The following CD4 variants were observed in gnomAD, a reference collection of about 807,000 sequenced individuals.
CD4 encodes the protein CD4 molecule, also known as T-cell surface glycoprotein CD4.
In CD4, 25 loss-of-function variants were observed where a neutral mutation model predicts 50.5. The ratio of observed to expected loss-of-function variants is 0.49; its 90% CI spans 0.36 to 0.69. The LOEUF (loss-of-function observed/expected upper bound fraction) is 0.69. CD4 is among the 30% of genes least tolerant of loss of function. The pLI is 0.00. For synonymous variants in CD4, 207 were observed against 221.9 expected (o/e 0.93, Z 0.60); for missense variants, 456 against 548.5 (o/e 0.83, Z 1.68).
At position 6,816,905 on chromosome 12, in the gene CD4, A is replaced by G. The variant is rs894089200; in HGVS notation, c.956-225A>G. The stretch of plus-strand genomic sequence containing the variant: ...TACATGTATGCCTGCCTTTAGTACT[A>G]TCTGGGTGCAGGTTGTTAAGTCACT... On this transcript the variant is annotated intron_variant, in intron 6 of 9. Transcript: ENST00000011653. This position sits in a 1 kb window ranked among gnomAD's most constrained non-coding sequence, Gnocchi z 4.9. Among the ~76,000 whole-genome samples, 1 of 152,160 alleles carries G rather than the reference A, an allele frequency of 6.6e-6. No individual in the cohort carries two copies. The highest frequency in any genetic ancestry group is 1.5e-5 in the Non-Finnish European group (1 of 68,032).
chr12:6,800,490 C>T lies in CD4; in HGVS notation c.214+19C>T, dbSNP rs1555115094. ...ACTAAAGGTAGGGTTGCCTGGCTCCCCATCCAGGGAGGAAAACACACTATG... is the reference window on the plus strand; with the variant it reads ...ACTAAAGGTAGGGTTGCCTGGCTCCTCATCCAGGGAGGAAAACACACTATG... On this transcript the variant is annotated intron_variant, in intron 3 of 9. Coordinates refer to ENST00000011653, the MANE Select transcript of CD4 (RefSeq NM_000616.5). 6.2e-7 allele frequency: 1 copy of T among 1,604,164 alleles called. No individual in the cohort carries two copies. The highest frequency in any genetic ancestry group is 8.5e-7 in the Non-Finnish European group (1 of 1,175,026).
chr12:6,818,562 G>C lies in CD4; in HGVS notation c.1278+20G>C. 6.2e-7 allele frequency: 1 copy of C among 1,611,932 alleles called. No homozygotes were observed. Among genetic ancestry groups the C allele is most frequent in the Non-Finnish European group, 8.5e-7 (1 of 1,179,958 alleles). ...CGAAGGGTGAGTAACCCCACACCTGGTCCCCACAAGGCCCTCAAACCCCTG... is the reference window on the plus strand; with the variant it reads ...CGAAGGGTGAGTAACCCCACACCTGCTCCCCACAAGGCCCTCAAACCCCTG... On this transcript the variant is annotated intron_variant, in intron 8 of 9. Transcript: ENST00000011653. This position sits in a 1 kb window ranked among gnomAD's most constrained non-coding sequence, Gnocchi z 5.0.
chr12:6,818,709 G>C lies in CD4; in HGVS notation c.1279-138G>C. On this transcript the variant is annotated intron_variant, in intron 8 of 9. Coordinates refer to ENST00000011653, the MANE Select transcript of CD4 (RefSeq NM_000616.5). This position sits in a 1 kb window ranked among gnomAD's most constrained non-coding sequence, Gnocchi z 5.0. ...CTCAAGGGAGAGACAGGAAGGAGCAGAGAGTTAATTCCAGGATAGATGGCC... is the reference window on the plus strand; with the variant it reads ...CTCAAGGGAGAGACAGGAAGGAGCACAGAGTTAATTCCAGGATAGATGGCC... The C allele has an allele frequency of 8.4e-7, 1 of 1,187,894 alleles. No homozygotes were observed. The highest frequency in any genetic ancestry group is 1.5e-5 in the African/African-American group (1 of 66,464). The allele number at this position is 1,187,894 out of a possible 1,614,324, so 73.6% of individuals were successfully genotyped here.
chr12:6,797,916 C>A (rs1351206105), intron 1 of CD4, among the ~76,000 whole-genome samples: 1 of 152,142 alleles, frequency 6.6e-6, no homozygotes, highest in Admixed American at 6.5e-5. Context: ...CTTATCTCAA[C>A]CGAATAGAGG....
intron 1 of CD4, among the ~76,000 whole-genome samples, chr12:6,797,034 C>T (rs1488347256): frequency 6.6e-6 from 1 of 152,182 alleles, no homozygotes; most frequent in African/African-American, 2.4e-5. Flanking sequence ...TGAGCGTGAT[C>T]AGTTACCTGG....
Position 6,814,381 on chromosome 12 carries a change from C to T in CD4, c.373+81C>T, listed in dbSNP as rs1295626815. On this transcript the variant is annotated intron_variant, in intron 4 of 9. Coordinates refer to ENST00000011653, the MANE Select transcript of CD4 (RefSeq NM_000616.5). ...CTCCCACCCCTGCACCAAATCCAGC[C>T]TGAGCTGGTGATACCGCAGCAGCCC... 7.6e-6 allele frequency: 11 copies of T among 1,453,742 alleles called. No homozygotes were observed. In the Admixed American group the frequency reaches 2.3e-4, roughly 31 times the overall value. The allele number at this position is 1,453,742 out of a possible 1,614,324, so 90.1% of individuals were successfully genotyped here. A position where few individuals can be genotyped will look rare whatever the true frequency, so the allele number is the denominator to read the frequency against.
At position 6,800,319 on chromosome 12, in the gene CD4, C is replaced by A; in HGVS notation, c.62C>A (p.Ala21Glu). 1 of 1,613,918 alleles carries A rather than the reference C, an allele frequency of 6.2e-7. No individual in the cohort carries two copies. The highest frequency in any genetic ancestry group is 1.3e-5 in the African/African-American group (1 of 74,996). Residue 21 changes from alanine to glutamate, a missense_variant, in exon 3 of 10, where the codon GCA (alanine) becomes GAA (glutamate). Physicochemically the swap from Ala to Glu is moderately radical, Grantham distance 107. Transcript: ENST00000011653. ...CTTTTCCACTTAGCGCTCCTCCCAG[C>A]AGCCACTCAGGGAAAGAAAGTGGTG... is the stretch of plus-strand genomic sequence containing the variant. ...LLVLQLALLP[A>E]ATQGKKVVLG... is the part of the protein sequence containing the mutation.
rs200606704 is a variant in CD4, at chr12:6,814,319, G to T, written c.373+19G>T. 6.2e-7 allele frequency: 1 copy of T among 1,609,800 alleles called. No individual in the cohort carries two copies. The highest frequency in any genetic ancestry group is 8.5e-7 in the Non-Finnish European group (1 of 1,177,428). The stretch of plus-strand genomic sequence containing the variant: ...TTCGGATGTGAGTGGGGCAGGTGGG[G>T]ATGAGGATACCTCCTGCCTGGTTCC... On this transcript the variant is annotated intron_variant, in intron 4 of 9. Transcript: ENST00000011653.
intron 3 of CD4, among the ~76,000 whole-genome samples, chr12:6,811,259 A>G (rs553404479): frequency 1.7e-3 from 252 of 152,292 alleles, no homozygotes; most frequent in African/African-American, 5.9e-3. Context: ...ATGTAAATTT[A>G]GCTTCTAAAG....
At chr12:6,817,978 GCA>G (rs376249212) in intron 7 of CD4, among the ~76,000 whole-genome samples, 97 of 150,998 alleles carry the variant, frequency 6.4e-4, no homozygotes, top group African/African-American at 2.0e-3. Flanking sequence ...TCACACATGT[GCA>G]CACACGCGCG....
intron 3 of CD4, among the ~76,000 whole-genome samples, chr12:6,811,277 C>G (rs1942927273): frequency 6.6e-6 from 1 of 152,100 alleles, no homozygotes; most frequent in Admixed American, 6.6e-5. Flanking sequence ...AAGCCCTGTT[C>G]TACAGAGATT....
At chr12:6,800,921 T>C (rs1942525935) in intron 3 of CD4, among the ~76,000 whole-genome samples, 2 of 151,842 alleles carry the variant, frequency 1.3e-5, no homozygotes, top group Admixed American at 6.6e-5. Flanking sequence ...TATATTTTTT[T>C]TGGAGACAAG....
At chr12:6,815,145 C>G (rs1426359234) in intron 5 of CD4, 153 bp downstream of exon 5, 1 of 613,396 alleles carries the variant, frequency 1.6e-6, no homozygotes, top group Admixed American at 3.2e-5. Flanking sequence ...TCTTGAAGGA[C>G]TCACTGGGGC....
Position 6,819,462 on chromosome 12 carries a change from G to A in CD4, c.*133G>A, listed in dbSNP as rs199531126. The A allele has an allele frequency of 6.6e-5, 56 of 851,770 alleles. No homozygotes were observed. The South Asian group carries it at 7.1e-4, about 11-fold the overall frequency. 52.8% of individuals were successfully genotyped at this position (851,770 alleles called of 1,614,324 possible). A position where few individuals can be genotyped will look rare whatever the true frequency, so the allele number is the denominator to read the frequency against. On this transcript the variant is annotated 3_prime_UTR_variant, in exon 10 of 10. Coordinates refer to ENST00000011653, the MANE Select transcript of CD4 (RefSeq NM_000616.5). The stretch of plus-strand genomic sequence containing the variant: ...TTCGCCTCCTCTACAATTTGCCATT[G>A]TTTCTCCTGGGTTAGGCCCCGGCTT...
In CD4 at chr12:6,819,409, T is replaced by C. The variant is rs199732427; in HGVS notation, c.*80T>C. On this transcript the variant is annotated 3_prime_UTR_variant, in exon 10 of 10. Transcript: ENST00000011653. ...TTCCTGCCTGCGGACCAGATGAATG[T>C]AGCAGATCCCCAGCCTCTGGCCTCC... 19 of 1,344,340 alleles carry C rather than the reference T, an allele frequency of 1.4e-5. No individual in the cohort carries two copies. The highest frequency in any genetic ancestry group is 1.8e-5 in the Non-Finnish European group (17 of 934,762). 83.3% of individuals were successfully genotyped at this position (1,344,340 alleles called of 1,614,324 possible).
In CD4 at chr12:6,818,779, C is replaced by T. The variant is rs1343134272; in HGVS notation, c.1279-68C>T. On this transcript the variant is annotated intron_variant, in intron 8 of 9. Coordinates refer to ENST00000011653, the MANE Select transcript of CD4 (RefSeq NM_000616.5). The surrounding 1 kb of genome is among the most constrained non-coding windows in gnomAD (Gnocchi z 5.0). ...TCCTGTCGCAGCTTCCCCCACTCCC[C>T]CCACCAAGGGGCACCTCCCTTCTGG... The T allele has an allele frequency of 1.4e-6, 2 of 1,443,548 alleles. No individual in the cohort carries two copies. The highest frequency in any genetic ancestry group is 2.0e-6 in the Non-Finnish European group (2 of 1,024,906). The allele number at this position is 1,443,548 out of a possible 1,614,324, so 89.4% of individuals were successfully genotyped here.
rs142225058 is a variant in CD4, at chr12:6,818,890, A to G, written c.1322A>G (p.Glu441Gly). The G allele has an allele frequency of 2.4e-4, 377 of 1,596,252 alleles. No homozygotes were observed. Among genetic ancestry groups the G allele is most frequent in the Non-Finnish European group, 2.9e-4 (340 of 1,169,790 alleles). ...TCTCAGATCAAGAGACTCCTCAGTG[A>G]GAAGAAGACCTGCCAGTGTCCTCAG... Reference protein sequence around the residue: ...RMSQIKRLLSEKKTCQCPHRF... With the variant: ...RMSQIKRLLSGKKTCQCPHRF... The change falls in exon 9 of 10, where the codon GAG (glutamate) becomes GGG (glycine). Residue 441 changes from glutamate to glycine, a missense_variant. Physicochemically the swap from Glu to Gly is moderately conservative, Grantham distance 98 (BLOSUM62 -2). Coordinates refer to ENST00000011653, the MANE Select transcript of CD4 (RefSeq NM_000616.5). The surrounding 1 kb of genome is among the most constrained non-coding windows in gnomAD (Gnocchi z 5.0).
rs1351026837 is a variant in CD4 at position 6,792,606 on chromosome 12, G to A, written c.-68+2944G>A. Among the ~76,000 whole-genome samples, 1 of 152,040 alleles carries A rather than the reference G, an allele frequency of 6.6e-6. No individual in the cohort carries two copies. Among genetic ancestry groups the A allele is most frequent in the Non-Finnish European group, 1.5e-5 (1 of 68,002 alleles). On this transcript the variant is annotated intron_variant, in intron 1 of 9. Coordinates refer to ENST00000011653, the MANE Select transcript of CD4 (RefSeq NM_000616.5). This position sits in a 1 kb window ranked among gnomAD's most constrained non-coding sequence, Gnocchi z 4.1. ...TCTGTCCATTTCCCTTTGTCCATGT[G>A]TCCCTCCCACCCTGCAGCCGGCTCC...
intron 2 of CD4, 56 bp from the exon 3 acceptor site, chr12:6,800,251 G>T: frequency 6.2e-7 from 1 of 1,612,102 alleles, no homozygotes; most frequent in South Asian, 1.1e-5. Flanking sequence ...GGTGGAGGAT[G>T]GGGTAGAGGG....
Sources: allele counts gnomAD v4.1 joint callset (sites outside exome capture counted in the v4.1 genomes callset), GRCh38; gene constraint gnomAD v4.1.1; non-coding constraint Gnocchi (gnomAD v3.1); transcripts MANE v1.5; gene names NCBI Gene and HGNC (gene_info 2026-07-23, HGNC 2026-07-21).